Variants in RIC1 observed in about 807,000 individuals in gnomAD.
The protein encoded by RIC1 is RIC1 partner of RAB6A GEF complex.
In RIC1, 88 loss-of-function variants were observed where a neutral mutation model predicts 169.0. The observed-to-expected ratio is 0.52, with a 90% CI of 0.44 to 0.62. RIC1 has a LOEUF of 0.62. Ranked by LOEUF, RIC1 falls within the 20% of genes least tolerant of loss-of-function variation. The pLI is 0.00. For synonymous variants in RIC1, 790 were observed against 601.5 expected (o/e 1.31, Z -4.59); for missense variants, 1,877 against 1,725.5 (o/e 1.09, Z -1.56).
intron 17 of RIC1, among the ~76,000 whole-genome samples, chr9:5,760,645 C>G (rs2131080506): frequency 6.6e-6 from 1 of 152,300 alleles, no homozygotes; most frequent in South Asian, 2.1e-4. Flanking sequence ...AGGTGTCTGA[C>G]TCTTCTAGTT....
In RIC1 at chr9:5,682,998, A is replaced by T. The variant is rs576830892; in HGVS notation, c.253-6961A>T. Among the ~76,000 whole-genome samples the T allele has an allele frequency of 4.3e-4, 66 of 152,158 alleles. No homozygotes were observed. In the Middle Eastern group the frequency reaches 0.014, roughly 31 times the overall value. On this transcript the variant is annotated intron_variant, in intron 2 of 25. Coordinates refer to ENST00000414202, the MANE Select transcript of RIC1 (RefSeq NM_020829.4). ...GCATTCGTCACGTAGTTCTCGTGCC[A>T]TGGGTTTCAGCTCCATCAGGTCCTT...
At chr9:5,744,076 G>C (rs563291255) in intron 10 of RIC1, among the ~76,000 whole-genome samples, 2 of 152,136 alleles carry the variant, frequency 1.3e-5, no homozygotes, top group African/African-American at 4.8e-5. Flanking sequence ...AGTCTCAGCA[G>C]ACTCTTCATT....
rs1228768251 is a variant in RIC1, at chr9:5,722,337, A to G, written c.720+1587A>G. Among the ~76,000 whole-genome samples the G allele has an allele frequency of 1.9e-3, 217 of 115,400 alleles. 6 individuals carry two copies. Among genetic ancestry groups the G allele is most frequent in the Admixed American group, 0.016 (180 of 11,518 alleles). 75.7% of individuals were successfully genotyped at this position (115,400 alleles called of 152,430 possible). A position where few individuals can be genotyped will look rare whatever the true frequency, so the allele number is the denominator to read the frequency against. On this transcript the variant is annotated intron_variant, in intron 6 of 25. Transcript: ENST00000414202. ...GAAGGAATGAGCTTGCAAAAACTATAAGAGAGAGAGAGTGTGTGTGTGTGT... is the reference window on the plus strand; with the variant it reads ...GAAGGAATGAGCTTGCAAAAACTATGAGAGAGAGAGAGTGTGTGTGTGTGT...
chr9:5,641,379 C>CTGCATTTTGTTTTATTCATT (rs1818238032), intron 1 of RIC1, among the ~76,000 whole-genome samples: 1 of 152,106 alleles, frequency 6.6e-6, no homozygotes, highest in East Asian at 1.9e-4. Context: ...GCATGAGCCA[C>CTGCATTTTGTTTTATTCATT]CGCGCCCGGC....
chr9:5,693,193 CACTT>C (rs1821689086), intron 3 of RIC1, among the ~76,000 whole-genome samples: 1 of 152,122 alleles, frequency 6.6e-6, no homozygotes, highest in African/African-American at 2.4e-5. Context: ...ATCCTCTTCT[CACTT>C]AGTTATAGAA....
Position 5,751,039 on chromosome 9 carries a change from C to A in RIC1, c.1453-2161C>A, listed in dbSNP as rs180908270. On this transcript the variant is annotated intron_variant, in intron 12 of 25. Transcript: ENST00000414202. ...TTATAGATATTGATCATAGTGTGAT[C>A]ATTTGATAAGATTTAACTTTGGTTC... Among the ~76,000 whole-genome samples, 12 of 151,802 alleles carry A rather than the reference C, an allele frequency of 7.9e-5. No individual in the cohort carries two copies. The East Asian group carries it at 1.9e-3, about 24-fold the overall frequency.
At chr9:5,676,012 G>C (rs1253946930) in intron 2 of RIC1, among the ~76,000 whole-genome samples, 1 of 152,120 alleles carries the variant, frequency 6.6e-6, no homozygotes, top group African/African-American at 2.4e-5. Flanking sequence ...TCATTCCTGG[G>C]CCTAGGCCAT....
At chr9:5,766,852 G>C (rs1359324224) in intron 21 of RIC1, among the ~76,000 whole-genome samples, 1 of 152,190 alleles carries the variant, frequency 6.6e-6, no homozygotes, top group Non-Finnish European at 1.5e-5. Context: ...CCTCTGGGTA[G>C]AACCCCAGTA....
At chr9:5,740,565 C>G (rs1359478599) in intron 8 of RIC1, among the ~76,000 whole-genome samples, 1 of 151,484 alleles carries the variant, frequency 6.6e-6, no homozygotes, top group Non-Finnish European at 1.5e-5. Flanking sequence ...GAAGGAGAGC[C>G]AGTCCGAGTT....
At chr9:5,727,010 G>C (rs920899608) in intron 6 of RIC1, among the ~76,000 whole-genome samples, 31 of 152,046 alleles carry the variant, frequency 2.0e-4, no homozygotes, top group Non-Finnish European at 3.2e-4. Context: ...TTCAACTTTG[G>C]TGAGTCTGAC....
At chr9:5,744,905 C>T (rs748991064) in intron 10 of RIC1, among the ~76,000 whole-genome samples, 5 of 152,126 alleles carry the variant, frequency 3.3e-5, no homozygotes, top group African/African-American at 7.2e-5. Context: ...TGAGGCTTGT[C>T]GCTTCTCTTC....
chr9:5,686,481 C>T (rs1241435828), intron 2 of RIC1, among the ~76,000 whole-genome samples: 2 of 152,014 alleles, frequency 1.3e-5, no homozygotes, highest in Non-Finnish European at 2.9e-5. Flanking sequence ...TTTGTAGAGA[C>T]ATGGATGAAA....
At chr9:5,736,275 A>G (rs577991955) in intron 7 of RIC1, among the ~76,000 whole-genome samples, 2 of 152,206 alleles carry the variant, frequency 1.3e-5, no homozygotes, top group African/African-American at 4.8e-5. Context: ...TCTTTTTCAG[A>G]TATTTGGCTT....
At chr9:5,696,539 T>C (rs1821917546) in intron 3 of RIC1, among the ~76,000 whole-genome samples, 1 of 150,228 alleles carries the variant, frequency 6.7e-6, no homozygotes, top group Admixed American at 6.6e-5. Flanking sequence ...TGATCTGGCA[T>C]GTGCATTCCC....
rs559969866 is a variant in RIC1, at chr9:5,770,206, C to G, written c.3544C>G (p.His1182Asp). Residue 1182 changes from histidine (H) to aspartate (D), a missense_variant, in exon 23 of 26, where the codon CAT (histidine) becomes GAT (aspartate). His to Asp is a moderately conservative substitution (Grantham distance 81, BLOSUM62 -1). Coordinates refer to ENST00000414202, the MANE Select transcript of RIC1 (RefSeq NM_020829.4). ...GCTCAGCAACATTGGCCCCACCCAT[C>G]ATGAGATAGACACAGCTTCATCCCA... Reference protein sequence around the residue: ...SWLSNIGPTHHEIDTASSHGP... With the variant: ...SWLSNIGPTHDEIDTASSHGP... The G allele has an allele frequency of 4.0e-5, 64 of 1,613,934 alleles. No individual in the cohort carries two copies. The highest frequency in any genetic ancestry group is 1.6e-4 in the Middle Eastern group (1 of 6,082).
chr9:5,688,869 C>T lies in RIC1; in HGVS notation c.253-1090C>T, dbSNP rs552623823. ...CAGTATTACTGTAAAGTAGTTTGGG[C>T]AAAACACTGCCACTTCACTCTGTTA... On this transcript the variant is annotated intron_variant, in intron 2 of 25. Coordinates refer to ENST00000414202, the MANE Select transcript of RIC1 (RefSeq NM_020829.4). Among the ~76,000 whole-genome samples, 6 of 152,124 alleles carry T rather than the reference C, an allele frequency of 3.9e-5. No homozygotes were observed. The East Asian group carries it at 1.2e-3, about 29-fold the overall frequency.
At chr9:5,751,002 GAAT>G (rs1339282165) in intron 12 of RIC1, among the ~76,000 whole-genome samples, 5 of 151,786 alleles carry the variant, frequency 3.3e-5, no homozygotes, top group Middle Eastern at 3.2e-3. Context: ...GTAGAATAAA[GAAT>G]AAATTGTTTT....
At chr9:5,646,902 T>C (rs1185498836) in intron 1 of RIC1, among the ~76,000 whole-genome samples, 1 of 152,184 alleles carries the variant, frequency 6.6e-6, no homozygotes, top group African/African-American at 2.4e-5. Flanking sequence ...GTCATGAAGT[T>C]TTTGGCTTGT....
intron 2 of RIC1, among the ~76,000 whole-genome samples, chr9:5,669,310 A>G (rs1439184248): frequency 1.3e-5 from 2 of 152,106 alleles, no homozygotes; most frequent in Admixed American, 6.6e-5. Context: ...TGAGTCCCCA[A>G]AGTCCATTGT....
Sources: allele counts gnomAD v4.1 joint callset (sites outside exome capture counted in the v4.1 genomes callset), GRCh38; gene constraint gnomAD v4.1.1; transcripts MANE v1.5; gene names NCBI Gene and HGNC (gene_info 2026-07-23, HGNC 2026-07-21).